The following TJAP1 variants were observed in gnomAD, a reference collection of about 807,000 sequenced individuals.
TJAP1 encodes the protein tight junction associated protein 1.
A neutral mutation model predicts 42.0 loss-of-function variants in TJAP1; 27 were observed. The observed-to-expected ratio is 0.64, with a 90% confidence interval of 0.47 to 0.89. TJAP1 has a LOEUF of 0.89. Ranked by LOEUF, TJAP1 falls within the 40% of genes least tolerant of loss-of-function variation. The pLI is 0.00. For missense variants in TJAP1, 712 were observed against 726.9 expected (o/e 0.98, Z 0.24); for synonymous variants, 257 against 288.4 (o/e 0.89, Z 1.10).
At chr6:43,479,967 C>G (rs1360117481) in intron 2 of TJAP1, among the ~76,000 whole-genome samples, 1 of 151,300 alleles carries the variant, frequency 6.6e-6, no homozygotes, top group Admixed American at 6.6e-5. Flanking sequence ...AGACTCCATC[C>G]ATCTCAAGAA....
chr6:43,486,622 C>T (rs969552836), intron 2 of TJAP1, among the ~76,000 whole-genome samples: 4 of 152,250 alleles, frequency 2.6e-5, no homozygotes, highest in Admixed American at 2.0e-4. Context: ...TCCCAAAGTG[C>T]TGGGATTACA....
At position 43,505,537 on chromosome 6, in the gene TJAP1, C is replaced by CA. The variant is rs1792152960; in HGVS notation, c.1357dup (p.Arg453LysfsTer3). The CA allele has an allele frequency of 6.2e-7, 1 of 1,613,934 alleles. No homozygotes were observed. Among genetic ancestry groups the CA allele is most frequent in the Non-Finnish European group, 8.5e-7 (1 of 1,180,036 alleles). Reference sequence around the variant, plus strand: ...GCCATTTTGCCCATAGCCCCGCTGACAGAGATGAGGTGGTCCAGGCACCTT... The same window carrying CA: ...GCCATTTTGCCCATAGCCCCGCTGACAAGAGATGAGGTGGTCCAGGCACCTT... On this transcript the variant is annotated frameshift_variant, in exon 11 of 11. Transcript: ENST00000372449. LOFTEE classifies it high-confidence loss of function. This position sits in a 1 kb window ranked among gnomAD's most constrained non-coding sequence, Gnocchi z 5.5.
At chr6:43,493,806 A>T (rs1370947614) in intron 2 of TJAP1, among the ~76,000 whole-genome samples, 2 of 151,616 alleles carry the variant, frequency 1.3e-5, no homozygotes, top group Non-Finnish European at 2.9e-5. Context: ...CTCTCATACC[A>T]CTCTGTCTCT....
chr6:43,506,113 A>C, exon 11 of TJAP1: 7 of 363,076 alleles, frequency 1.9e-5, no homozygotes, highest in East Asian at 8.3e-5. Context: ...GTTGGGTCTC[A>C]AGACCTTTCC....
At chr6:43,498,632 A>G (rs776653525) in intron 3 of TJAP1, among the ~76,000 whole-genome samples, 5 of 152,250 alleles carry the variant, frequency 3.3e-5, no homozygotes, top group Non-Finnish European at 5.9e-5. Flanking sequence ...GAGCAGTTTT[A>G]CCTTCTGAGG....
intron 5 of TJAP1, chr6:43,501,048 C>T (rs1030018174): frequency 1.8e-5 from 9 of 506,910 alleles, no homozygotes; most frequent in Middle Eastern, 5.3e-4. Context: ...TCCCCAGCTC[C>T]TGGCTCCTGT....
At chr6:43,486,154 G>A (rs1010255465) in intron 2 of TJAP1, among the ~76,000 whole-genome samples, 1 of 151,606 alleles carries the variant, frequency 6.6e-6, no homozygotes, top group East Asian at 1.9e-4. Flanking sequence ...TAGTAGAGAC[G>A]GGGTTTCGCC....
chr6:43,487,373 A>G (rs1786767369), intron 2 of TJAP1, among the ~76,000 whole-genome samples: 1 of 152,216 alleles, frequency 6.6e-6, no homozygotes, highest in Non-Finnish European at 1.5e-5. Flanking sequence ...CTTCACAGGT[A>G]GCCCAAGTAG....
At chr6:43,482,709 G>T (rs374058450) in intron 2 of TJAP1, among the ~76,000 whole-genome samples, 1 of 152,218 alleles carries the variant, frequency 6.6e-6, no homozygotes, top group South Asian at 2.1e-4. Flanking sequence ...TTAGGACAGT[G>T]CTGGGCCTTA....
intron 6 of TJAP1, 100 bp downstream of exon 6, chr6:43,501,787 C>T: frequency 1.5e-6 from 1 of 660,218 alleles, no homozygotes; most frequent in Admixed American, 2.5e-5. Flanking sequence ...CTCTCTGTGT[C>T]TCTGTCTCTC....
At chr6:43,504,892 G>A (rs1233388359) in exon 11 of TJAP1, 1 of 1,614,204 alleles carries the variant, frequency 6.2e-7, no homozygotes, top group South Asian at 1.1e-5. Context: ...GAGTGTTAGA[G>A]AAGCCGGAGT....
At chr6:43,501,083 T>G in intron 5 of TJAP1, 1 of 455,632 alleles carries the variant, frequency 2.2e-6, no homozygotes, top group South Asian at 2.8e-5. Flanking sequence ...TTACAGCCCT[T>G]TAGCCACATG....
intron 2 of TJAP1, among the ~76,000 whole-genome samples, chr6:43,488,115 G>A (rs1214071483): frequency 6.6e-6 from 1 of 152,080 alleles, no homozygotes; most frequent in African/African-American, 2.4e-5. Flanking sequence ...CAGGTGATCC[G>A]CCTGCCTCAG....
chr6:43,497,652 T>C (rs1789518575), intron 2 of TJAP1: 1 of 152,138 alleles, frequency 6.6e-6, no homozygotes, highest in African/African-American at 2.4e-5. Context: ...CACAGACACA[T>C]GTATCTCATC....
In TJAP1 at chr6:43,502,076, A is replaced by ACACACACACACACACACACT. The variant is rs767085594; in HGVS notation, c.291-206_291-205insACACACACACACACACACTC. ...CACACACACACACACACACACACACACTCTCTCTCTCTCTCTCTCTCTCTC... is the reference window on the plus strand; with the variant it reads ...CACACACACACACACACACACACACACACACACACACACACACACTCTCTCTCTCTCTCTCTCTCTCTCTC... On this transcript the variant is annotated intron_variant, in intron 6 of 10. Coordinates refer to ENST00000372449, the Ensembl canonical transcript of TJAP1. 8.7e-5 allele frequency among the ~76,000 whole-genome samples: 6 copies of ACACACACACACACACACACT among 68,956 alleles called. 1 individual carries two copies. Among genetic ancestry groups the ACACACACACACACACACACT allele is most frequent in the African/African-American group, 4.6e-4 (6 of 13,116 alleles). The allele number at this position is 68,956 out of a possible 152,430, so 45.2% of individuals were successfully genotyped here.
rs150059158 is a variant in TJAP1, at chr6:43,495,008, A to T, written c.-121-2873A>T. Among the ~76,000 whole-genome samples the T allele has an allele frequency of 1.3e-5, 2 of 152,186 alleles. No homozygotes were observed. ...GCTTGCTCATCATGGGCCATGGCCC[A>T]TTCTGAGCTGTCCAGCTGCTCTCCT... On this transcript the variant is annotated intron_variant, in intron 2 of 10. Coordinates refer to ENST00000372449, the Ensembl canonical transcript of TJAP1. This position sits in a 1 kb window ranked among gnomAD's most constrained non-coding sequence, Gnocchi z 4.6.
At chr6:43,479,283 C>T (rs1487341638) in intron 2 of TJAP1, among the ~76,000 whole-genome samples, 16 of 152,138 alleles carry the variant, frequency 1.1e-4, no homozygotes. Flanking sequence ...TACCTGTCCC[C>T]CCAATCAAAG....
intron 2 of TJAP1, among the ~76,000 whole-genome samples, chr6:43,490,842 G>T (rs1345731445): frequency 6.6e-6 from 1 of 152,234 alleles, no homozygotes; most frequent in Non-Finnish European, 1.5e-5. Context: ...CTCAGAAAAA[G>T]TCCTGGCCTC....
intron 2 of TJAP1, among the ~76,000 whole-genome samples, chr6:43,493,147 C>T (rs1185012603): frequency 6.6e-6 from 1 of 152,196 alleles, no homozygotes; most frequent in Non-Finnish European, 1.5e-5. Flanking sequence ...TTACTAACTT[C>T]CGTTTGACTT....
Sources: allele counts gnomAD v4.1 joint callset (sites outside exome capture counted in the v4.1 genomes callset), GRCh38; gene constraint gnomAD v4.1.1; non-coding constraint Gnocchi (gnomAD v3.1); transcripts MANE v1.5; gene names NCBI Gene and HGNC (gene_info 2026-07-23, HGNC 2026-07-21).